Variants in PCDHGB3 observed in about 807,000 individuals in gnomAD.
PCDHGB3 encodes protocadherin gamma-B3.
PCDHGB3 carries 40 observed loss-of-function variants against 59.2 expected under a neutral mutation model. The observed-to-expected ratio is 0.68, with a 90% confidence interval of 0.52 to 0.88. The LOEUF is 0.88. Among genes scored for constraint, PCDHGB3 ranks in the 40% least tolerant of loss-of-function variants. PCDHGB3 has a pLI of 0.00. For synonymous variants in PCDHGB3, 581 were observed against 503.6 expected (o/e 1.15, Z -2.06); for missense variants, 1,309 against 1,187.9 (o/e 1.10, Z -1.50).
At chr5:141,478,487 A>G (rs1593917832) in intron 1 of PCDHGB3, 1 of 1,613,454 alleles carries the variant, frequency 6.2e-7, no homozygotes, top group South Asian at 1.1e-5. Flanking sequence ...CACGCTGCGG[A>G]GCTGTGATCC....
intron 1 of PCDHGB3, chr5:141,428,419 C>G: frequency 4.4e-6 from 2 of 451,920 alleles, no homozygotes; most frequent in Non-Finnish European, 4.1e-6. Flanking sequence ...TCACCCTGGT[C>G]TCTGTTCTAA....
chr5:141,458,918 A>C (rs1173274380), intron 1 of PCDHGB3, among the ~76,000 whole-genome samples: 1 of 152,022 alleles, frequency 6.6e-6, no homozygotes, highest in Non-Finnish European at 1.5e-5. Context: ...TTTTTTGTGG[A>C]GACGGGGTCT....
At chr5:141,416,711 C>G (rs962144454) in intron 1 of PCDHGB3, 1 of 152,152 alleles carries the variant, frequency 6.6e-6, no homozygotes, top group South Asian at 2.1e-4. Context: ...ATTGGAGGTA[C>G]TGATGAGTTC....
intron 1 of PCDHGB3, chr5:141,392,356 G>A (rs970397239): frequency 6.6e-6 from 1 of 152,614 alleles, no homozygotes; most frequent in Admixed American, 6.5e-5. Flanking sequence ...TTAATCCGAT[G>A]CTACAATCTG....
rs1312195504 is a variant in PCDHGB3 at position 141,429,392 on chromosome 5, A to ATTTTT, written c.2415+56583_2415+56584insTTTTT. On this transcript the variant is annotated intron_variant, in intron 1 of 3. Transcript: ENST00000576222. Reference sequence around the variant, plus strand: ...GAGAAAATGTGTTTTTTTTTTAAAAAAAATTGAGATTAAGGTCTCATTATG... The same window carrying ATTTTT: ...GAGAAAATGTGTTTTTTTTTTAAAAATTTTTAAATTGAGATTAAGGTCTCATTATG... Among the ~76,000 whole-genome samples, 131 of 152,104 alleles carry ATTTTT rather than the reference A, an allele frequency of 8.6e-4. 1 individual carries two copies. Among genetic ancestry groups the ATTTTT allele is most frequent in the Non-Finnish European group, 1.5e-3 (100 of 67,974 alleles).
At chr5:141,384,287 A>G in intron 1 of PCDHGB3, 1 of 1,613,838 alleles carries the variant, frequency 6.2e-7, no homozygotes, top group South Asian at 1.1e-5. Context: ...TACATCGCTG[A>G]GAACAACCCC....
chr5:141,427,921 G>A (rs2097089596), intron 1 of PCDHGB3: 3 of 1,580,128 alleles, frequency 1.9e-6, no homozygotes, highest in African/African-American at 1.3e-5. Flanking sequence ...AACATGAGCC[G>A]GCGCATGTTG....
chr5:141,432,035 G>C lies in PCDHGB3; in HGVS notation c.2415+59226G>C. 6 of 1,614,218 alleles carry C rather than the reference G, an allele frequency of 3.7e-6. No homozygotes were observed. Among genetic ancestry groups the C allele is most frequent in the Non-Finnish European group, 5.1e-6 (6 of 1,180,046 alleles). ...CTACAACATCACAGTGACCGCCACT[G>C]ACCGGGGAACCCCGCCCCTATCCAC... On this transcript the variant is annotated intron_variant, in intron 1 of 3. Coordinates refer to ENST00000576222, the MANE Select transcript of PCDHGB3 (RefSeq NM_018924.5). The surrounding 1 kb of genome is among the most constrained non-coding windows in gnomAD (Gnocchi z 6.0).
intron 1 of PCDHGB3, chr5:141,408,406 G>T (rs750833105): frequency 5.0e-6 from 8 of 1,614,066 alleles, no homozygotes; most frequent in East Asian, 2.2e-5. Flanking sequence ...AGCTGCGAGT[G>T]AGCGCGGAGA....
At chr5:141,437,264 A>G (rs2097872616) in intron 1 of PCDHGB3, among the ~76,000 whole-genome samples, 2 of 152,228 alleles carry the variant, frequency 1.3e-5, no homozygotes, top group South Asian at 2.1e-4. Context: ...TTTTATGTGT[A>G]TGACAGATGT....
At chr5:141,501,926 C>T (rs1388315216) in intron 2 of PCDHGB3, among the ~76,000 whole-genome samples, 1 of 152,126 alleles carries the variant, frequency 6.6e-6, no homozygotes, top group African/African-American at 2.4e-5. Flanking sequence ...AGCTTTGTTC[C>T]CTCAACACCA....
At chr5:141,407,930 C>T (rs2095001418) in intron 1 of PCDHGB3, 2 of 498,880 alleles carry the variant, frequency 4.0e-6, no homozygotes, top group Non-Finnish European at 6.9e-6. Flanking sequence ...CGCACGGAGC[C>T]TCTGGGCGCC....
At chr5:141,425,686 A>C (rs1026122573) in intron 1 of PCDHGB3, among the ~76,000 whole-genome samples, 4 of 152,252 alleles carry the variant, frequency 2.6e-5, no homozygotes, top group Non-Finnish European at 5.9e-5. Context: ...AATACTGCAT[A>C]TCATTTCATA....
intron 1 of PCDHGB3, chr5:141,439,898 C>T (rs1428014089): frequency 6.6e-6 from 1 of 152,344 alleles, no homozygotes; most frequent in African/African-American, 2.4e-5. Context: ...ACCAAGGCGA[C>T]TACTGCCTCC....
At chr5:141,421,921 G>T in intron 1 of PCDHGB3, 1 of 1,613,644 alleles carries the variant, frequency 6.2e-7, no homozygotes, top group Non-Finnish European at 8.5e-7. Context: ...CATTCGTGTG[G>T]TGGTCCTCGA....
intron 1 of PCDHGB3, chr5:141,376,190 G>T: frequency 6.2e-7 from 1 of 1,614,116 alleles, no homozygotes; most frequent in African/African-American, 1.3e-5. Flanking sequence ...GGTCTCCTGC[G>T]TCTTCCTGGC....
In PCDHGB3 at chr5:141,476,533, A is replaced by G; in HGVS notation, c.2416-18274A>G. 6.2e-7 allele frequency: 1 copy of G among 1,614,184 alleles called. No individual in the cohort carries two copies. Among genetic ancestry groups the G allele is most frequent in the Non-Finnish European group, 8.5e-7 (1 of 1,180,022 alleles). On this transcript the variant is annotated intron_variant, in intron 1 of 3. Transcript: ENST00000576222. The surrounding 1 kb of genome is among the most constrained non-coding windows in gnomAD (Gnocchi z 7.6). ...ACAATCCTGCTTTCCCTACCCAGGA[A>G]ATGAAATTGGAGATTAGCGAGGCCG...
At position 141,431,612 on chromosome 5, in the gene PCDHGB3, G is replaced by A. The variant is rs79883194; in HGVS notation, c.2415+58803G>A. 1.9e-6 allele frequency: 3 copies of A among 1,614,126 alleles called. No homozygotes were observed. The highest frequency in any genetic ancestry group is 2.5e-6 in the Non-Finnish European group (3 of 1,180,052). ...AGTGAGGTATTCCTTCCGGTATGTG[G>A]ACGACAAGGCGGCCCAAGTTTTCAA... On this transcript the variant is annotated intron_variant, in intron 1 of 3. Coordinates refer to ENST00000576222, the MANE Select transcript of PCDHGB3 (RefSeq NM_018924.5). This position sits in a 1 kb window ranked among gnomAD's most constrained non-coding sequence, Gnocchi z 4.8.
chr5:141,410,009 T>G, intron 1 of PCDHGB3: 1 of 1,613,318 alleles, frequency 6.2e-7, no homozygotes, highest in Non-Finnish European at 8.5e-7. Context: ...ACACAACGCC[T>G]GGCTGTCCTA....
Sources: gnomAD v4.1 joint callset for allele counts (sites outside exome capture counted in the v4.1 genomes callset) on GRCh38, gnomAD v4.1.1 for gene constraint, Gnocchi (gnomAD v3.1) non-coding constraint, MANE v1.5 for transcripts, NCBI Gene and HGNC (gene_info 2026-07-23, HGNC 2026-07-21) for gene names.